DICER1: variants seen among roughly 807,000 people sequenced by gnomAD.
DICER1 encodes endoribonuclease Dicer.
DICER1 carries 43 observed loss-of-function variants against 194.1 expected under a neutral mutation model. The observed-to-expected ratio is 0.22, with a 90% confidence interval of 0.17 to 0.29. The LOEUF is 0.29. Ranked by LOEUF, DICER1 falls within the 10% of genes least tolerant of loss-of-function variation. The pLI is 1.00. For missense variants in DICER1, 1,608 were observed against 2,317.0 expected (o/e 0.69, Z 6.28); for synonymous variants, 832 against 820.5 (o/e 1.01, Z -0.24).
chr14:95,143,507 G>T (rs1157304645), intron 1 of DICER1, among the ~76,000 whole-genome samples: 3 of 152,056 alleles, frequency 2.0e-5, no homozygotes, highest in Non-Finnish European at 4.4e-5. Context: ...TCAATCGCCT[G>T]GTTTCCTAGG....
Position 95,136,086 on chromosome 14 carries a change from T to TACACACACACAC in DICER1, c.-45-2595_-45-2584dup, listed in dbSNP as rs144415862. 1.8e-3 allele frequency among the ~76,000 whole-genome samples: 271 copies of TACACACACACAC among 146,644 alleles called. 2 individuals carry two copies. Among genetic ancestry groups the TACACACACACAC allele is most frequent in the South Asian group, 8.9e-3 (40 of 4,474 alleles). On this transcript the variant is annotated intron_variant, in intron 1 of 26. Coordinates refer to ENST00000343455, the MANE Select transcript of DICER1 (RefSeq NM_177438.3). ...TACAGAAAAAGAATCTACATGTAGATACACACACACACACACACACACACA... is the reference window on the plus strand; with the variant it reads ...TACAGAAAAAGAATCTACATGTAGATACACACACACACACACACACACACACACACACACACA...
chr14:95,108,630 G>T, intron 14 of DICER1, 127 bp from the exon 15 acceptor site: 1 of 870,148 alleles, frequency 1.1e-6, no homozygotes, highest in Non-Finnish European at 1.9e-6. Flanking sequence ...GAAAATACCC[G>T]AGGCATGACA....
At chr14:95,155,023 AC>A (rs1290989410) in intron 1 of DICER1, among the ~76,000 whole-genome samples, 1 of 152,238 alleles carries the variant, frequency 6.6e-6, no homozygotes, top group Non-Finnish European at 1.5e-5. Context: ...GTAATGCAAT[AC>A]AAAAAGCATG....
At chr14:95,153,943 G>C (rs1895679372) in intron 1 of DICER1, among the ~76,000 whole-genome samples, 1 of 152,222 alleles carries the variant, frequency 6.6e-6, no homozygotes, top group African/African-American at 2.4e-5. Flanking sequence ...AAATTGCAAA[G>C]AAACCTGTGA....
chr14:95,151,952 T>C (rs1034945012), intron 1 of DICER1, among the ~76,000 whole-genome samples: 1 of 152,228 alleles, frequency 6.6e-6, no homozygotes, highest in Non-Finnish European at 1.5e-5. Flanking sequence ...TCAAAGAACC[T>C]TCCTACATCA....
rs2139815940 is a variant in DICER1, at chr14:95,094,130, C to T, written c.5122G>A (p.Gly1708Arg). The change falls in exon 24 of 27, where the codon GGA becomes AGA. Residue 1708 changes from glycine (G) to arginine (R), a missense_variant. Physicochemically the swap from Gly to Arg is moderately radical, Grantham distance 125. Around this residue, in one of 10 missense-constraint regions of DICER1, gnomAD observed 138 missense variants for 298.3 expected, o/e 0.46. Transcript: ENST00000343455. ...ATGAGGTAGTCCAAAATCGCATCTC[C>T]CAGGAATTCTAAGCGCTGGTAACAA... ...TDCYQRLEFL[G>R]DAILDYLITK... 1.2e-6 allele frequency: 2 copies of T among 1,614,102 alleles called. No homozygotes were observed. The highest frequency in any genetic ancestry group is 1.7e-6 in the Non-Finnish European group (2 of 1,180,012).
Position 95,090,592 on chromosome 14 carries a change from C to G in DICER1, c.5675G>C (p.Gly1892Ala), listed in dbSNP as rs756385724. Residue 1892 changes from glycine to alanine, a missense_variant, in exon 27 of 27, where the codon GGT becomes GCT. Physicochemically the swap from Gly to Ala is moderately conservative, Grantham distance 60. This residue lies in a region of DICER1 where 138 missense variants were observed against 298.3 expected (regional missense o/e 0.46). Coordinates refer to ENST00000343455, the MANE Select transcript of DICER1 (RefSeq NM_177438.3). The stretch of plus-strand genomic sequence containing the variant: ...GGCAATCCTGTAACTTCGACCAACA[C>G]CTTTAAATTTCCCCTTTCCTACTAC... ...VEVVGKGKFK[G>A]VGRSYRIAKS... 6.2e-7 allele frequency: 1 copy of G among 1,614,172 alleles called. No homozygotes were observed. The highest frequency in any genetic ancestry group is 8.5e-7 in the Non-Finnish European group (1 of 1,180,018).
chr14:95,146,284 CCT>C (rs1363888917), intron 1 of DICER1, among the ~76,000 whole-genome samples: 1 of 152,238 alleles, frequency 6.6e-6, no homozygotes, highest in Non-Finnish European at 1.5e-5. Flanking sequence ...GGCACACTTT[CCT>C]CTGATTGATC....
chr14:95,116,813 T>C, intron 9 of DICER1, 118 bp from the exon 10 acceptor site: 1 of 1,037,038 alleles, frequency 9.6e-7, no homozygotes, highest in Non-Finnish European at 1.5e-6. Flanking sequence ...TTGGGCATTC[T>C]AAATCCTTAA....
intron 21 of DICER1, among the ~76,000 whole-genome samples, chr14:95,101,489 G>A (rs1375104850): frequency 4.6e-5 from 7 of 152,188 alleles, no homozygotes; most frequent in African/African-American, 1.4e-4. Flanking sequence ...GCTTCCGTAT[G>A]GCGACTACTC....
At chr14:95,157,941 G>C (rs1896008537), upstream of DICER1, 1 of 152,090 alleles carries the variant, frequency 6.6e-6, no homozygotes, top group African/African-American at 2.4e-5. Context: ...CTTCCCACTC[G>C]CCTGCGTTTC....
chr14:95,148,730 GCTTA>G (rs1399529697), intron 1 of DICER1, among the ~76,000 whole-genome samples: 1 of 152,136 alleles, frequency 6.6e-6, no homozygotes, highest in East Asian at 1.9e-4. Context: ...CCAAAGGTCC[GCTTA>G]CTTCTTGGAG....
chr14:95,097,048 G>A (rs1223418316), intron 22 of DICER1, among the ~76,000 whole-genome samples: 1 of 152,086 alleles, frequency 6.6e-6, no homozygotes, highest in African/African-American at 2.4e-5. Flanking sequence ...TCTAACTCTG[G>A]TAGGACACAC....
rs145787072 is a variant in DICER1, at chr14:95,117,521, T to C, written c.1509+101A>G. On this transcript the variant is annotated intron_variant, in intron 9 of 26. Transcript: ENST00000343455. The stretch of plus-strand genomic sequence containing the variant: ...AAGTATTCTATAATACAAAAAATAA[T>C]AGTAATTCTGGGAAACTATGAAAAA... The C allele has an allele frequency of 4.4e-5, 54 of 1,237,338 alleles. 1 individual carries two copies. In the East Asian group the frequency reaches 8.4e-4, roughly 19 times the overall value. The allele number at this position is 1,237,338 out of a possible 1,614,324, so 76.6% of individuals were successfully genotyped here.
chr14:95,087,632 G>A lies in DICER1; in HGVS notation c.*2866C>T, dbSNP rs1433815780. 1 of 233,052 alleles carries A rather than the reference G, an allele frequency of 4.3e-6. No homozygotes were observed. Among genetic ancestry groups the A allele is most frequent in the Non-Finnish European group, 8.5e-6 (1 of 118,024 alleles). 14.4% of individuals were successfully genotyped at this position (233,052 alleles called of 1,614,324 possible). A position where few individuals can be genotyped will look rare whatever the true frequency, so the allele number is the denominator to read the frequency against. ...TCTGTGCTACATGAACAGAACAGAA[G>A]GGAAAAAGCTATTATAAAACGCAGC... On this transcript the variant is annotated 3_prime_UTR_variant, in exon 27 of 27. Coordinates refer to ENST00000343455, the MANE Select transcript of DICER1 (RefSeq NM_177438.3).
intron 23 of DICER1, chr14:95,095,237 G>A (rs1480767191): frequency 6.5e-6 from 1 of 154,304 alleles, no homozygotes; most frequent in Non-Finnish European, 1.4e-5. Flanking sequence ...TGAGGGGCTT[G>A]TTCTCCCTTC....
intron 1 of DICER1, among the ~76,000 whole-genome samples, chr14:95,144,444 G>C (rs1448143578): frequency 6.6e-6 from 1 of 152,042 alleles, no homozygotes; most frequent in Non-Finnish European, 1.5e-5. Context: ...CTGTAAAACA[G>C]AAACACCTGA....
chr14:95,102,881 CA>C (rs1297247419), intron 21 of DICER1, among the ~76,000 whole-genome samples: 2 of 152,182 alleles, frequency 1.3e-5, no homozygotes, highest in Admixed American at 1.3e-4. Context: ...CTCCACTCTC[CA>C]AAACTTTGGA....
chr14:95,104,122 G>T lies in DICER1; in HGVS notation c.3274C>A (p.Pro1092Thr). The change falls in exon 21 of 27, where the codon CCT (proline) becomes ACT (threonine). Residue 1092 changes from proline to threonine, a missense_variant. Around this residue, in one of 10 missense-constraint regions of DICER1, gnomAD observed 79 missense variants for 176.1 expected, o/e 0.45. Transcript: ENST00000343455. ...VRSLPADFRY[P>T]NLDFGWKKSI... Reference sequence around the variant, plus strand: ...TTTTTCCACCCGAAGTCTAAGTTAGGGTATCTGCAAAGACATTTTTATAAC... The same window carrying T: ...TTTTTCCACCCGAAGTCTAAGTTAGTGTATCTGCAAAGACATTTTTATAAC... 6.2e-7 allele frequency: 1 copy of T among 1,611,408 alleles called. No individual in the cohort carries two copies. Among genetic ancestry groups the T allele is most frequent in the Non-Finnish European group, 8.5e-7 (1 of 1,179,402 alleles).
Sources: gnomAD v4.1 joint callset for allele counts (sites outside exome capture counted in the v4.1 genomes callset) on GRCh38, gnomAD v4.1.1 for gene constraint, gnomAD v4.1.1 regional missense constraint, MANE v1.5 for transcripts, NCBI Gene and HGNC (gene_info 2026-07-23, HGNC 2026-07-21) for gene names.